SGCD: variants seen among roughly 807,000 people sequenced by gnomAD.
SGCD encodes the protein delta-sarcoglycan.
A neutral mutation model predicts 36.6 loss-of-function variants in SGCD; 18 were observed. The ratio of observed to expected loss-of-function variants is 0.49; its 90% CI spans 0.34 to 0.73. The LOEUF is 0.73. Ranked by LOEUF, SGCD falls within the 30% of genes least tolerant of loss-of-function variation. SGCD has a pLI of 0.01. For synonymous variants in SGCD, 133 were observed against 130.6 expected (o/e 1.02, Z -0.12); for missense variants, 387 against 346.7 (o/e 1.12, Z -0.92).
intron 3 of SGCD, among the ~76,000 whole-genome samples, chr5:156,214,763 G>A (rs1764531236): frequency 6.6e-6 from 1 of 151,962 alleles, no homozygotes; most frequent in Admixed American, 6.6e-5. Flanking sequence ...TAGACCAATG[G>A]AATGGAATAG....
intron 3 of SGCD, among the ~76,000 whole-genome samples, chr5:156,454,801 G>A (rs566847004): frequency 6.6e-6 from 1 of 152,248 alleles, no homozygotes; most frequent in Admixed American, 6.5e-5. Context: ...CTTGTGATGT[G>A]CCTGTCAAGA....
At chr5:156,031,626 T>C (rs745899660) in intron 1 of SGCD, among the ~76,000 whole-genome samples, 7 of 152,242 alleles carry the variant, frequency 4.6e-5, no homozygotes, top group Non-Finnish European at 1.0e-4. Context: ...GCTTACATAG[T>C]CTAAAACTTA....
intron 1 of SGCD, among the ~76,000 whole-genome samples, chr5:156,111,075 C>A (rs1284580266): frequency 6.6e-6 from 1 of 152,114 alleles, no homozygotes; most frequent in Non-Finnish European, 1.5e-5. Flanking sequence ...CATCCATGGG[C>A]AGATGGACAC....
intron 4 of SGCD, among the ~76,000 whole-genome samples, chr5:156,532,348 A>G (rs1757921751): frequency 6.6e-6 from 1 of 152,222 alleles, no homozygotes. Context: ...GGCCCAACCT[A>G]TTGTGATTGC....
chr5:156,271,876 A>G (rs1224685993), intron 3 of SGCD, among the ~76,000 whole-genome samples: 1 of 152,244 alleles, frequency 6.6e-6, no homozygotes, highest in Non-Finnish European at 1.5e-5. Context: ...ATTCTGATAA[A>G]TAAACTTGAC....
At chr5:156,405,589 T>G (rs779829012) in intron 3 of SGCD, among the ~76,000 whole-genome samples, 31 of 152,204 alleles carry the variant, frequency 2.0e-4, no homozygotes, top group Admixed American at 9.8e-4. Flanking sequence ...TTTCCCCATC[T>G]GTCATCTAAA....
chr5:156,741,277 A>G (rs1318213655), intron 7 of SGCD, among the ~76,000 whole-genome samples: 1 of 152,236 alleles, frequency 6.6e-6, no homozygotes, highest in East Asian at 1.9e-4. Context: ...AACAAAAACA[A>G]TTTCAACAAA....
At chr5:156,025,716 T>C (rs958003277) in intron 1 of SGCD, among the ~76,000 whole-genome samples, 2 of 152,132 alleles carry the variant, frequency 1.3e-5, no homozygotes, top group Non-Finnish European at 2.9e-5. Flanking sequence ...TAACCTTTAT[T>C]ATAATGGAAA....
intron 3 of SGCD, among the ~76,000 whole-genome samples, chr5:156,431,151 G>T (rs1407327632): frequency 6.6e-6 from 1 of 152,154 alleles, no homozygotes; most frequent in Admixed American, 6.5e-5. Flanking sequence ...CAGCAGGAAA[G>T]CTATCCACCT....
At position 156,065,633 on chromosome 5, in the gene SGCD, A is replaced by C. The variant is rs1322223378; in HGVS notation, c.-281-52245A>C. ...ATCTGGGTGCTCCTGTATTGGGTGC[A>C]TAAATATTTAGGATAGTTAGCTCCT... On this transcript the variant is annotated intron_variant, in intron 1 of 9. Coordinates refer to the SGCD transcript ENST00000517913. 1.3e-3 allele frequency among the ~76,000 whole-genome samples: 28 copies of C among 22,072 alleles called. 1 individual carries two copies. Among genetic ancestry groups the C allele is most frequent in the Non-Finnish European group, 4.0e-4 (5 of 12,526 alleles). 14.5% of individuals were successfully genotyped at this position (22,072 alleles called of 152,430 possible).
At chr5:156,536,474 T>C (rs1309212137) in intron 4 of SGCD, among the ~76,000 whole-genome samples, 2 of 152,252 alleles carry the variant, frequency 1.3e-5, no homozygotes, top group African/African-American at 2.4e-5. Flanking sequence ...ATGTCATTGC[T>C]TGGCACTCAA....
chr5:156,731,294 C>T (rs1043542031), intron 7 of SGCD, among the ~76,000 whole-genome samples: 1 of 151,742 alleles, frequency 6.6e-6, no homozygotes, highest in East Asian at 1.9e-4. Flanking sequence ...TTTGGTGTTT[C>T]ATCATTAAAT....
At chr5:156,288,268 G>A (rs753456391) in intron 3 of SGCD, among the ~76,000 whole-genome samples, 1 of 152,060 alleles carries the variant, frequency 6.6e-6, no homozygotes, top group Non-Finnish European at 1.5e-5. Flanking sequence ...ATAGTTCTGA[G>A]GCCATCACTT....
At chr5:155,769,414 G>A in the SGCD span, among the ~76,000 whole-genome samples, 4 of 150,388 alleles carry the variant, frequency 2.7e-5, 1 homozygote, top group Admixed American at 1.3e-4. Flanking sequence ...AAAACCGGAG[G>A]CATATTCAAT....
intron 1 of SGCD, among the ~76,000 whole-genome samples, chr5:155,961,124 A>T (rs1025462104): frequency 6.6e-6 from 1 of 152,072 alleles, no homozygotes; most frequent in Non-Finnish European, 1.5e-5. Flanking sequence ...CATATTAGGA[A>T]TATCAAATAT....
intron 1 of SGCD, among the ~76,000 whole-genome samples, chr5:156,089,007 C>T (rs529233755): frequency 6.6e-6 from 1 of 152,230 alleles, no homozygotes; most frequent in African/African-American, 2.4e-5. Flanking sequence ...CTTGATTTTT[C>T]CAGGACTTTA....
intron 3 of SGCD, among the ~76,000 whole-genome samples, chr5:156,271,106 G>A (rs1056955203): frequency 2.0e-5 from 3 of 152,140 alleles, no homozygotes; most frequent in Non-Finnish European, 2.9e-5. Context: ...TGACTCTTAA[G>A]TTTTTCTGCA....
At chr5:155,977,265 GAA>G (rs1382143383) in intron 1 of SGCD, among the ~76,000 whole-genome samples, 1 of 152,144 alleles carries the variant, frequency 6.6e-6, no homozygotes, top group Non-Finnish European at 1.5e-5. Flanking sequence ...TTTTCTCAGA[GAA>G]ACTTTCTTGT....
In SGCD at chr5:155,900,718, A is replaced by G. The variant is rs141711875; in HGVS notation, c.-282+30294A>G. Among the ~76,000 whole-genome samples, 358 of 152,206 alleles carry G rather than the reference A, an allele frequency of 2.4e-3. 4 individuals are homozygous for G. Among genetic ancestry groups the G allele is most frequent in the African/African-American group, 8.3e-3 (343 of 41,516 alleles). On this transcript the variant is annotated intron_variant, in intron 1 of 9. Transcript: ENST00000517913. ...GTCCTAGTAAGAATTCTCAAAATGC[A>G]GGAGTAAGATTTTTCATAGTGATTT... is the stretch of plus-strand genomic sequence containing the variant.
Sources: gnomAD v4.1 joint callset for allele counts (sites outside exome capture counted in the v4.1 genomes callset) on GRCh38, gnomAD v4.1.1 for gene constraint, MANE v1.5 for transcripts, NCBI Gene and HGNC (gene_info 2026-07-23, HGNC 2026-07-21) for gene names.